The following ERCC8 variants were observed in gnomAD, a reference collection of about 807,000 sequenced individuals.
ERCC8 encodes the protein DNA excision repair protein ERCC-8.
ERCC8 carries 52 observed loss-of-function variants against 54.9 expected under a neutral mutation model. That is an observed-to-expected ratio of 0.95 (90% confidence interval 0.76 to 1.19). The LOEUF is 1.19. Among genes scored for constraint, ERCC8 ranks in the 50% most tolerant of loss-of-function variants. The pLI, the probability that ERCC8 is intolerant of heterozygous loss-of-function variation, is 0.00. For missense variants in ERCC8, 514 were observed against 466.1 expected (o/e 1.10, Z -0.95); for synonymous variants, 146 against 157.2 (o/e 0.93, Z 0.53).
At position 60,893,594 on chromosome 5, in the gene ERCC8, G is replaced by A; in HGVS notation, c.844-2508C>T. The A allele has an allele frequency of 4.7e-6, 3 of 641,230 alleles. 1 individual carries two copies. The South Asian group carries it at 5.3e-5, about 11-fold the overall frequency. 39.7% of individuals were successfully genotyped at this position (641,230 alleles called of 1,614,324 possible). On this transcript the variant is annotated intron_variant, in intron 9 of 11. Transcript: ENST00000676185. ...TTTCATCATCATGATCAGCTTGAAA[G>A]CAGATAGGTTCGAATCCGCTTGCTC...
At chr5:60,928,478 T>A (rs1254027702) in intron 2 of ERCC8, among the ~76,000 whole-genome samples, 1 of 152,218 alleles carries the variant, frequency 6.6e-6, no homozygotes, top group African/African-American at 2.4e-5. Flanking sequence ...TATTTGTTTC[T>A]AATCTAATTC....
intron 3 of ERCC8, among the ~76,000 whole-genome samples, chr5:60,919,859 T>A (rs1434920067): frequency 6.6e-6 from 1 of 151,896 alleles, no homozygotes; most frequent in Non-Finnish European, 1.5e-5. Flanking sequence ...AACATTTTTT[T>A]AAAAAACAGT....
intron 2 of ERCC8, among the ~76,000 whole-genome samples, chr5:60,928,437 G>T (rs1351185130): frequency 2.6e-5 from 4 of 152,116 alleles, no homozygotes; most frequent in Admixed American, 2.6e-4. Flanking sequence ...TTAGGTAAGG[G>T]TAAAGCCAGG....
chr5:60,941,005 C>A (rs978164746), intron 1 of ERCC8, among the ~76,000 whole-genome samples: 1 of 152,128 alleles, frequency 6.6e-6, no homozygotes, highest in Non-Finnish European at 1.5e-5. Context: ...TTCAAGGCAA[C>A]CATTGTAAAA....
At chr5:60,893,292 C>G in intron 9 of ERCC8, 1 of 950,670 alleles carries the variant, frequency 1.1e-6, no homozygotes, top group Non-Finnish European at 1.7e-6. Flanking sequence ...TGCAAAACTT[C>G]TTCCTTACAC....
At chr5:60,928,808 G>A in intron 2 of ERCC8, 56 bp downstream of exon 2, 1 of 968,856 alleles carries the variant, frequency 1.0e-6, no homozygotes, top group East Asian at 2.4e-5. Flanking sequence ...GAAAAAGCAG[G>A]TTTTACTGCA....
intron 3 of ERCC8, chr5:60,918,736 G>T: frequency 3.2e-6 from 1 of 315,712 alleles, no homozygotes; most frequent in Non-Finnish European, 6.1e-6. Context: ...TTTTGGTTTT[G>T]GATTTGCTTT....
At position 60,904,853 on chromosome 5, in the gene ERCC8, A is replaced by C. The variant is rs1253281017; in HGVS notation, c.420T>G (p.Phe140Leu). 2 of 1,568,132 alleles carry C rather than the reference A, an allele frequency of 1.3e-6. No homozygotes were observed. Among genetic ancestry groups the C allele is most frequent in the East Asian group, 4.5e-5 (2 of 44,450 alleles). Residue 140 changes from phenylalanine (F) to leucine (L), a missense_variant, in exon 5 of 12, where the codon TTT (phenylalanine) becomes TTG (leucine). Coordinates refer to ENST00000676185, the MANE Select transcript of ERCC8 (RefSeq NM_000082.4). The part of the protein sequence containing the change: ...NTLQTADVFN[F>L]EETVYSHHMS... The stretch of plus-strand genomic sequence containing the variant: ...TATGATGACTATAAACTGTTTCCTC[A>C]AAATTAAATACATCTGCAGTCTGGT...
chr5:60,893,355 T>G, intron 9 of ERCC8: 1 of 847,954 alleles, frequency 1.2e-6, no homozygotes. Context: ...TTGATAGACC[T>G]GCGTTTTTGT....
rs540729035 is a variant in ERCC8, at chr5:60,923,707, A to G, written c.174-1552T>C. On this transcript the variant is annotated intron_variant, in intron 2 of 11. Coordinates refer to ENST00000676185, the MANE Select transcript of ERCC8 (RefSeq NM_000082.4). Reference sequence around the variant, plus strand: ...ACAAATTCTTTATGTCTCTTTTGGAAGTTACACCAAATTTAAATATTATAA... The same window carrying G: ...ACAAATTCTTTATGTCTCTTTTGGAGGTTACACCAAATTTAAATATTATAA... 1.5e-3 allele frequency among the ~76,000 whole-genome samples: 235 copies of G among 152,220 alleles called. 1 individual carries two copies. Among genetic ancestry groups the G allele is most frequent in the African/African-American group, 5.5e-3 (228 of 41,554 alleles).
At position 60,904,758 on chromosome 5, in the gene ERCC8, G is replaced by T. The variant is rs374143395; in HGVS notation, c.481+34C>A. On this transcript the variant is annotated intron_variant, in intron 5 of 11. Coordinates refer to ENST00000676185, the MANE Select transcript of ERCC8 (RefSeq NM_000082.4). ...CATATAAAAAGGGAGAAAGTTTTCA[G>T]TATGTCAAAAGACAAAAGAATACAC... is the stretch of plus-strand genomic sequence containing the variant. The T allele has an allele frequency of 3.0e-4, 413 of 1,358,502 alleles. No homozygotes were observed. The Middle Eastern group carries it at 3.1e-3, about 10-fold the overall frequency. The allele number at this position is 1,358,502 out of a possible 1,614,324, so 84.2% of individuals were successfully genotyped here.
chr5:60,901,658 C>T (rs1469407409), intron 7 of ERCC8, among the ~76,000 whole-genome samples: 1 of 151,956 alleles, frequency 6.6e-6, no homozygotes, highest in Non-Finnish European at 1.5e-5. Context: ...TCACAGTGCT[C>T]TTCATGTGCC....
rs936469157 is a variant in ERCC8, at chr5:60,892,236, A to G, written c.844-1150T>C. 13 of 545,000 alleles carry G rather than the reference A, an allele frequency of 2.4e-5. 1 individual carries two copies. The highest frequency in any genetic ancestry group is 3.2e-4 in the Middle Eastern group (1 of 3,114). The allele number at this position is 545,000 out of a possible 1,614,324, so 33.8% of individuals were successfully genotyped here. On this transcript the variant is annotated intron_variant, in intron 9 of 11. Coordinates refer to ENST00000676185, the MANE Select transcript of ERCC8 (RefSeq NM_000082.4). The stretch of plus-strand genomic sequence containing the variant: ...TAACCAGTGAGATCTCCAATCTTAT[A>G]TACAGTAGCTTTATCTTCAATGGCA...
rs576618462 is a variant in ERCC8, at chr5:60,892,766, C to T, written c.844-1680G>A. ...CTGGAACAATGGCTGGAGCATCCAG[C>T]AGCCGGATGAACTTGTCCAGGTAGA... On this transcript the variant is annotated intron_variant, in intron 9 of 11. Transcript: ENST00000676185. 6 of 690,400 alleles carry T rather than the reference C, an allele frequency of 8.7e-6. 1 individual carries two copies. The South Asian group carries it at 9.8e-5, about 11-fold the overall frequency. 42.8% of individuals were successfully genotyped at this position (690,400 alleles called of 1,614,324 possible). A position where few individuals can be genotyped will look rare whatever the true frequency, so the allele number is the denominator to read the frequency against.
rs972730875 is a variant in ERCC8, at chr5:60,870,270, T to C, written c.*4345A>G. Among the ~76,000 whole-genome samples, 7 of 151,838 alleles carry C rather than the reference T, an allele frequency of 4.6e-5. No individual in the cohort carries two copies. Among genetic ancestry groups the C allele is most frequent in the Non-Finnish European group, 1.0e-4 (7 of 67,956 alleles). ...AAGTAATTATTAAGCACCTACTACA[T>C]GCCAACTACAGTTCTAAGAATTGAA... On this transcript the variant is annotated 3_prime_UTR_variant, in exon 12 of 12. Transcript: ENST00000676185.
At chr5:60,926,264 G>A (rs1472950958) in intron 2 of ERCC8, among the ~76,000 whole-genome samples, 1 of 152,186 alleles carries the variant, frequency 6.6e-6, no homozygotes, top group Non-Finnish European at 1.5e-5. Flanking sequence ...TCCAAGATAA[G>A]GAGCTTGTAC....
chr5:60,883,786 T>C (rs1748315163), intron 11 of ERCC8, among the ~76,000 whole-genome samples: 2 of 152,140 alleles, frequency 1.3e-5, no homozygotes, highest in South Asian at 2.1e-4. Context: ...GAAAAAGTAA[T>C]TAGGAGTTAT....
chr5:60,942,826 T>G (rs1410810546), intron 1 of ERCC8, among the ~76,000 whole-genome samples: 1 of 152,186 alleles, frequency 6.6e-6, no homozygotes, highest in Admixed American at 6.5e-5. Context: ...TAAAATGTTT[T>G]TTTAGAGGGT....
intron 11 of ERCC8, among the ~76,000 whole-genome samples, chr5:60,885,933 C>T (rs549515428): frequency 2.2e-4 from 33 of 152,174 alleles, no homozygotes; most frequent in African/African-American, 7.2e-4. Flanking sequence ...GAATGTCAAA[C>T]GTGCTCTATC....
Sources: gnomAD v4.1 joint callset for allele counts (sites outside exome capture counted in the v4.1 genomes callset) on GRCh38, gnomAD v4.1.1 for gene constraint, MANE v1.5 for transcripts, NCBI Gene and HGNC (gene_info 2026-07-23, HGNC 2026-07-21) for gene names.